Variants in FGGY observed in about 807,000 individuals in gnomAD.
FGGY encodes FGGY carbohydrate kinase domain-containing protein.
Under a neutral mutation model 71.3 loss-of-function variants are expected in FGGY, and 72 were observed. That is an observed-to-expected ratio of 1.01 (90% confidence interval 0.84 to 1.23). FGGY has a LOEUF of 1.23. FGGY is among the 50% of genes most tolerant of loss of function. The probability of loss-of-function intolerance (pLI) is 0.00; values close to 1 mark genes in which losing one functional copy is unlikely to be tolerated. For missense variants in FGGY, 668 were observed against 682.3 expected, an observed-to-expected ratio of 0.98 and a Z score of 0.23; for synonymous variants, 251 against 250.3, an observed-to-expected ratio of 1.00 and a Z score of -0.02.
intron 10 of FGGY, among the ~76,000 whole-genome samples, chr1:59,631,277 T>G (rs1014602017): frequency 3.3e-5 from 5 of 152,222 alleles, no homozygotes; most frequent in Non-Finnish European, 5.9e-5. Context: ...CCCTCTTCTC[T>G]CTTTGCCATC....
intron 14 of FGGY, among the ~76,000 whole-genome samples, chr1:59,744,441 G>A (rs1006487213): frequency 2.6e-5 from 4 of 152,138 alleles, no homozygotes; most frequent in South Asian, 4.2e-4. Context: ...GGCTGGTCTC[G>A]AACCCCTGAC....
intron 14 of FGGY, among the ~76,000 whole-genome samples, chr1:59,686,223 A>G (rs936300195): frequency 2.0e-5 from 3 of 152,072 alleles, no homozygotes; most frequent in Non-Finnish European, 2.9e-5. Flanking sequence ...ACCTTTTTCC[A>G]TGAATATTCC....
chr1:59,364,867 G>A (rs907630810), intron 4 of FGGY, among the ~76,000 whole-genome samples: 5 of 152,180 alleles, frequency 3.3e-5, no homozygotes, highest in African/African-American at 4.8e-5. Context: ...GTGATGAGGT[G>A]GGCACCTCTT....
intron 14 of FGGY, among the ~76,000 whole-genome samples, chr1:59,700,192 T>C (rs2097698478): frequency 6.6e-6 from 1 of 152,232 alleles, no homozygotes; most frequent in African/African-American, 2.4e-5. Context: ...TTGTACACTG[T>C]AGGAATTCTA....
At chr1:59,628,622 A>T (rs1446512525) in intron 10 of FGGY, among the ~76,000 whole-genome samples, 2 of 152,220 alleles carry the variant, frequency 1.3e-5, no homozygotes, top group African/African-American at 4.8e-5. Flanking sequence ...TTTTGTGTAA[A>T]TCTAAAATTA....
intron 9 of FGGY, among the ~76,000 whole-genome samples, chr1:59,612,770 C>A (rs999640000): frequency 2.0e-5 from 3 of 152,128 alleles, no homozygotes; most frequent in African/African-American, 7.2e-5. Flanking sequence ...TGCGGAGACA[C>A]ACATAGTCTC....
At chr1:59,500,663 C>CAAAAAAAAAA (rs922111998) in intron 6 of FGGY, among the ~76,000 whole-genome samples, 3 of 44,770 alleles carry the variant, frequency 6.7e-5, no homozygotes, top group African/African-American at 9.1e-5. Context: ...GCCTTCTTGC[C>CAAAAAAAAAA]AAAAAAAAAA....
At chr1:59,359,633 ATCCAGAATGGCCACTC>A (rs2055020080) in intron 4 of FGGY, among the ~76,000 whole-genome samples, 1 of 152,202 alleles carries the variant, frequency 6.6e-6, no homozygotes, top group Non-Finnish European at 1.5e-5. Context: ...TTGTCTGTTC[ATCCAGAATGGCCACTC>A]TGGATTCCTA....
intron 8 of FGGY, among the ~76,000 whole-genome samples, chr1:59,557,630 T>C (rs1267939439): frequency 6.6e-6 from 1 of 152,214 alleles, no homozygotes; most frequent in African/African-American, 2.4e-5. Context: ...CCATTCTTTT[T>C]TTAACTCCAT....
chr1:59,585,787 T>C lies in FGGY; in HGVS notation c.904-22016T>C, dbSNP rs529298414. On this transcript the variant is annotated intron_variant, in intron 8 of 15. Transcript: ENST00000303721. The stretch of plus-strand genomic sequence containing the variant: ...ACCTACTCATCTGACAAAGGGCTAA[T>C]ATCCAGAATCTACAAAGAACTCAAA... Among the ~76,000 whole-genome samples the C allele has an allele frequency of 2.0e-5, 3 of 152,272 alleles. No homozygotes were observed. In the South Asian group the frequency reaches 6.2e-4, roughly 32 times the overall value.
Position 59,667,388 on chromosome 1 carries a change from C to T in FGGY, c.1402C>T (p.His468Tyr). 1.2e-6 allele frequency: 2 copies of T among 1,614,122 alleles called. No individual in the cohort carries two copies. The highest frequency in any genetic ancestry group is 1.7e-6 in the Non-Finnish European group (2 of 1,180,010). The part of the protein sequence containing the change: ...LSKNPLFVQM[H>Y]ADITGMPVVL... ...CAAGAATCCCCTTTTTGTGCAAATG[C>T]ATGCGGACATTACTGGTAAGTCTGG... The change falls in exon 13 of 16, where the codon CAT becomes TAT. Residue 468 changes from histidine to tyrosine, a missense_variant. This residue lies in a region of FGGY where 661 missense variants were observed against 661.6 expected (regional missense o/e 1.00). Coordinates refer to ENST00000303721, the MANE Select transcript of FGGY (RefSeq NM_018291.5).
chr1:59,352,077 AT>A (rs563303343), intron 4 of FGGY, among the ~76,000 whole-genome samples: 40 of 152,238 alleles, frequency 2.6e-4, no homozygotes, highest in African/African-American at 8.4e-4. Flanking sequence ...TGCCATTTGA[AT>A]TTTTCATAAC....
At chr1:59,378,949 G>A in intron 5 of FGGY, 112 bp downstream of exon 5, 2 of 835,520 alleles carry the variant, frequency 2.4e-6, no homozygotes, top group South Asian at 1.6e-5. Context: ...ACATCTGCAT[G>A]TGATTTTGCA....
chr1:59,324,552 A>C (rs1449161344), intron 2 of FGGY, among the ~76,000 whole-genome samples: 1 of 152,028 alleles, frequency 6.6e-6, no homozygotes, highest in Non-Finnish European at 1.5e-5. Context: ...CTGGGATTAC[A>C]GGCGTGAGCC....
At chr1:59,373,162 C>A (rs189060937) in intron 4 of FGGY, among the ~76,000 whole-genome samples, 84 of 152,172 alleles carry the variant, frequency 5.5e-4, no homozygotes, top group African/African-American at 2.0e-3. Flanking sequence ...TAGAAAACCC[C>A]ATTGTCTCAG....
intron 6 of FGGY, among the ~76,000 whole-genome samples, chr1:59,459,573 T>G (rs2091999462): frequency 6.6e-6 from 1 of 152,238 alleles, no homozygotes; most frequent in Non-Finnish European, 1.5e-5. Context: ...CAAAATGATC[T>G]GTGTTCAATG....
chr1:59,372,714 A>T (rs530573619), intron 4 of FGGY, among the ~76,000 whole-genome samples: 7 of 152,322 alleles, frequency 4.6e-5, no homozygotes, highest in East Asian at 1.9e-4. Flanking sequence ...ATCCACCATG[A>T]TCAAGTGGCC....
intron 9 of FGGY, among the ~76,000 whole-genome samples, chr1:59,610,908 C>G (rs1007006304): frequency 2.0e-5 from 3 of 152,274 alleles, no homozygotes; most frequent in Non-Finnish European, 4.4e-5. Context: ...CAGAGCCTTG[C>G]TCACTGCCAG....
At chr1:59,404,213 G>A (rs964018877) in intron 5 of FGGY, among the ~76,000 whole-genome samples, 2 of 151,958 alleles carry the variant, frequency 1.3e-5, no homozygotes, top group African/African-American at 4.8e-5. Flanking sequence ...GTCGGGGGGC[G>A]GGGCCACAGG....
Sources: gnomAD v4.1 joint callset for allele counts (sites outside exome capture counted in the v4.1 genomes callset) on GRCh38, gnomAD v4.1.1 for gene constraint, gnomAD v4.1.1 regional missense constraint, MANE v1.5 for transcripts, NCBI Gene and HGNC (gene_info 2026-07-23, HGNC 2026-07-21) for gene names.